Variants in SLC39A11 observed in about 807,000 individuals in gnomAD.
The protein encoded by SLC39A11 is solute carrier family 39 member 11.
SLC39A11 carries 33 observed loss-of-function variants against 36.1 expected under a neutral mutation model. That is an observed-to-expected ratio of 0.91 (90% CI 0.69 to 1.22). The LOEUF (loss-of-function observed/expected upper bound fraction) is 1.22, where lower values mean the gene tolerates loss of function less well. SLC39A11 is among the 50% of genes most tolerant of loss of function. SLC39A11 has a pLI of 0.00. For synonymous variants in SLC39A11, 166 were observed against 170.3 expected, an observed-to-expected ratio of 0.97 and a Z score of 0.20; for missense variants, 432 against 430.3, an observed-to-expected ratio of 1.00 and a Z score of -0.03.
At chr17:72,657,237 G>A (rs888619343) in intron 7 of SLC39A11, among the ~76,000 whole-genome samples, 14 of 152,068 alleles carry the variant, frequency 9.2e-5, no homozygotes, top group African/African-American at 1.2e-4. Context: ...GTGGGTGCCC[G>A]TAATCCCAGC....
intron 6 of SLC39A11, chr17:72,838,188 T>C (rs1391067330): frequency 7.6e-6 from 3 of 396,984 alleles, no homozygotes; most frequent in African/African-American, 4.1e-5. Context: ...CTTTCAGATA[T>C]ACTAAAACCA....
At chr17:72,827,841 C>T (rs903389185) in intron 6 of SLC39A11, among the ~76,000 whole-genome samples, 3 of 152,230 alleles carry the variant, frequency 2.0e-5, no homozygotes, top group African/African-American at 7.2e-5. Context: ...AGCACAGGCA[C>T]TCGCAGACAG....
In SLC39A11 at chr17:72,707,886, C is replaced by T. The variant is rs540785486; in HGVS notation, c.671+28764G>A. On this transcript the variant is annotated intron_variant, in intron 7 of 9. Coordinates refer to ENST00000255559, the MANE Select transcript of SLC39A11 (RefSeq NM_139177.4). ...ATCCTCAAAGGACAACCAGTTTAAA[C>T]GATAAGGGTTTTATCAGTAAGAGGC... Among the ~76,000 whole-genome samples the T allele has an allele frequency of 1.1e-4, 16 of 152,288 alleles. No homozygotes were observed. In the South Asian group the frequency reaches 1.9e-3, roughly 18 times the overall value.
chr17:72,755,833 T>C (rs2144433268), intron 6 of SLC39A11, among the ~76,000 whole-genome samples: 1 of 152,220 alleles, frequency 6.6e-6, no homozygotes, highest in South Asian at 2.1e-4. Context: ...GAATCTGCTC[T>C]CCCCACTGGT....
Position 72,877,817 on chromosome 17 carries a change from A to T in SLC39A11, c.431-28013T>A, listed in dbSNP as rs148638736. On this transcript the variant is annotated intron_variant, in intron 5 of 9. Coordinates refer to ENST00000255559, the MANE Select transcript of SLC39A11 (RefSeq NM_139177.4). ...CATTTTTATTTTTTTATTTTTATTT[A>T]TTATTATTATTATTATTATACTTTA... is the stretch of plus-strand genomic sequence containing the variant. Among the ~76,000 whole-genome samples the T allele has an allele frequency of 3.5e-3, 526 of 148,870 alleles. 21 individuals carry two copies. The East Asian group carries it at 0.067, about 19-fold the overall frequency.
Position 72,786,372 on chromosome 17 carries a change from T to C in SLC39A11, c.602-49653A>G, listed in dbSNP as rs892598180. ...CTATGCCAACAAAATTTTACACTTA[T>C]CTTCCTGTCTTACTGTAAACAACCC... On this transcript the variant is annotated intron_variant, in intron 6 of 9. Transcript: ENST00000255559. Among the ~76,000 whole-genome samples, 3 of 152,220 alleles carry C rather than the reference T, an allele frequency of 2.0e-5. 1 individual carries two copies. The highest frequency in any genetic ancestry group is 6.3e-3 in the Middle Eastern group (2 of 316).
intron 5 of SLC39A11, among the ~76,000 whole-genome samples, chr17:72,903,703 G>A (rs115885215): frequency 3.9e-4 from 59 of 152,252 alleles, no homozygotes; most frequent in African/African-American, 1.4e-3. Flanking sequence ...AGATAATGGA[G>A]GAAATCAATG....
intron 3 of SLC39A11, among the ~76,000 whole-genome samples, chr17:73,069,357 A>G (rs560766943): frequency 6.6e-6 from 1 of 152,346 alleles, no homozygotes; most frequent in African/African-American, 2.4e-5. Flanking sequence ...GGGAGGGATT[A>G]TATCTTGCTT....
At chr17:72,855,649 C>G (rs929289353) in intron 5 of SLC39A11, among the ~76,000 whole-genome samples, 2 of 152,176 alleles carry the variant, frequency 1.3e-5, no homozygotes, top group African/African-American at 4.8e-5. Context: ...GTAATCACAG[C>G]ACTTTGGGAG....
chr17:72,654,568 AG>A (rs1266206891), intron 7 of SLC39A11, among the ~76,000 whole-genome samples: 1 of 152,008 alleles, frequency 6.6e-6, no homozygotes, highest in South Asian at 2.1e-4. Flanking sequence ...ATAGACCCTC[AG>A]GGGGGCCCCT....
intron 5 of SLC39A11, among the ~76,000 whole-genome samples, chr17:72,905,248 A>G (rs1466783960): frequency 6.7e-6 from 1 of 148,632 alleles, no homozygotes; most frequent in African/African-American, 2.5e-5. Flanking sequence ...TGAAAATAGC[A>G]GTGCTTTGTG....
At chr17:73,014,038 C>A (rs934338111) in intron 4 of SLC39A11, among the ~76,000 whole-genome samples, 1 of 152,146 alleles carries the variant, frequency 6.6e-6, no homozygotes, top group African/African-American at 2.4e-5. Context: ...CACACACCCT[C>A]ACATATCTGA....
intron 4 of SLC39A11, among the ~76,000 whole-genome samples, chr17:72,956,045 A>C (rs1405811729): frequency 6.6e-6 from 1 of 152,070 alleles, no homozygotes; most frequent in Non-Finnish European, 1.5e-5. Context: ...TTCTGGCATA[A>C]ATAGTCAGAG....
At chr17:72,896,584 C>T (rs911714138) in intron 5 of SLC39A11, among the ~76,000 whole-genome samples, 1 of 152,126 alleles carries the variant, frequency 6.6e-6, no homozygotes, top group African/African-American at 2.4e-5. Context: ...AAGACCAAGG[C>T]TGTTCTTCCT....
chr17:72,974,211 T>A (rs2087667445), intron 4 of SLC39A11, among the ~76,000 whole-genome samples: 1 of 152,168 alleles, frequency 6.6e-6, no homozygotes, highest in African/African-American at 2.4e-5. Flanking sequence ...CTGATTCTCA[T>A]GCCTCAGCCT....
At chr17:72,959,364 T>TATATATATAC (rs1375295540) in intron 4 of SLC39A11, among the ~76,000 whole-genome samples, 3 of 138,986 alleles carry the variant, frequency 2.2e-5, no homozygotes, top group African/African-American at 7.9e-5. Context: ...TATATATATA[T>TATATATATAC]ATGATCGAAT....
In SLC39A11 at chr17:72,727,068, A is replaced by T. The variant is rs2073959580; in HGVS notation, c.671+9582T>A. On this transcript the variant is annotated intron_variant, in intron 7 of 9. Coordinates refer to ENST00000255559, the MANE Select transcript of SLC39A11 (RefSeq NM_139177.4). ...CCTGTAGGTCAAGGCAGGTCCACAG[A>T]CTACAAACGTCTCTTGACGCGTGCT... 2.6e-5 allele frequency among the ~76,000 whole-genome samples: 4 copies of T among 152,192 alleles called. No homozygotes were observed. In the South Asian group the frequency reaches 6.2e-4, roughly 24 times the overall value.
chr17:73,043,253 A>G (rs939156263), intron 3 of SLC39A11, among the ~76,000 whole-genome samples: 4 of 152,324 alleles, frequency 2.6e-5, no homozygotes, highest in Non-Finnish European at 1.5e-5. Context: ...AGGCAAGTAC[A>G]CAGAGGCTTA....
chr17:72,880,713 G>A (rs59590110), intron 5 of SLC39A11, among the ~76,000 whole-genome samples: 3 of 144,568 alleles, frequency 2.1e-5, no homozygotes, highest in East Asian at 4.3e-4. Context: ...ACAGAGTCTC[G>A]CTCTGTCACC....
Sources: allele counts gnomAD v4.1 joint callset (sites outside exome capture counted in the v4.1 genomes callset), GRCh38; gene constraint gnomAD v4.1.1; transcripts MANE v1.5; gene names NCBI Gene and HGNC (gene_info 2026-07-23, HGNC 2026-07-21).